Variants in DCT observed in about 807,000 individuals in gnomAD.
DCT encodes the protein dopachrome tautomerase, also known as L-dopachrome tautomerase.
DCT carries 47 observed loss-of-function variants against 53.0 expected under a neutral mutation model. The observed-to-expected ratio is 0.89, with a 90% CI of 0.70 to 1.13. DCT has a LOEUF of 1.13. Among genes scored for constraint, DCT ranks in the 50% most tolerant of loss-of-function variants. The pLI is 0.00. For missense variants in DCT, 669 were observed against 637.4 expected (o/e 1.05, Z -0.53); for synonymous variants, 244 against 237.0 (o/e 1.03, Z -0.27).
chr13:94,462,227 G>C (rs906054284), intron 4 of DCT, 38 bp from the exon 5 acceptor site: 2 of 1,521,312 alleles, frequency 1.3e-6, no homozygotes, highest in African/African-American at 2.7e-5. Flanking sequence ...ATATATGTTG[G>C]CTGGGCACAG....
Position 94,443,559 on chromosome 13 carries a change from C to G in DCT, c.1258G>C (p.Glu420Gln). Reference sequence around the variant, plus strand: ...CGATTGTGACCAATAGGGGCCAGCTCCTGAGGCCAGGCATCTGCAGGAGGA... The same window carrying G: ...CGATTGTGACCAATAGGGGCCAGCTGCTGAGGCCAGGCATCTGCAGGAGGA... ...FNPPADAWPQELAPIGHNRMY... is the reference protein window; with the variant it reads ...FNPPADAWPQQLAPIGHNRMY... Residue 420 changes from glutamate (E) to glutamine (Q), a missense_variant, in exon 7 of 8, where the codon GAG (glutamate) becomes CAG (glutamine). Coordinates refer to ENST00000377028, the MANE Select transcript of DCT (RefSeq NM_001922.5). 6.2e-7 allele frequency: 1 copy of G among 1,614,026 alleles called. No individual in the cohort carries two copies. Among genetic ancestry groups the G allele is most frequent in the South Asian group, 1.1e-5 (1 of 91,076 alleles).
chr13:94,452,337 C>G (rs756177425), intron 6 of DCT, among the ~76,000 whole-genome samples: 12 of 152,150 alleles, frequency 7.9e-5, no homozygotes, highest in Non-Finnish European at 1.8e-4. Flanking sequence ...CTGGCCTAGA[C>G]TTCACTTATA....
chr13:94,489,331 A>G, the DCT span, among the ~76,000 whole-genome samples: 1 of 152,180 alleles, frequency 6.6e-6, no homozygotes, highest in African/African-American at 2.4e-5. Flanking sequence ...TACTTTGTGA[A>G]TAAGGACAAA....
At chr13:94,521,592 C>A in the DCT span, among the ~76,000 whole-genome samples, 1 of 152,174 alleles carries the variant, frequency 6.6e-6, no homozygotes, top group Admixed American at 6.5e-5. Flanking sequence ...ATCACTTGAA[C>A]CTGGAAGGTG....
chr13:94,475,462 A>G (rs1459797311), intron 1 of DCT, among the ~76,000 whole-genome samples: 2 of 152,228 alleles, frequency 1.3e-5, no homozygotes, highest in Non-Finnish European at 2.9e-5. Flanking sequence ...TTATTCTTAT[A>G]TGAGGCATCT....
intron 6 of DCT, among the ~76,000 whole-genome samples, chr13:94,450,697 G>C (rs1161138241): frequency 6.6e-6 from 1 of 152,130 alleles, no homozygotes; most frequent in African/African-American, 2.4e-5. Flanking sequence ...ACTCTGCTAG[G>C]TCAACTTTAA....
At chr13:94,535,150 G>C in the DCT span, among the ~76,000 whole-genome samples, 1 of 152,188 alleles carries the variant, frequency 6.6e-6, no homozygotes, top group South Asian at 2.1e-4. Context: ...TGAGAAATTT[G>C]TTTTTAGCTT....
At chr13:94,491,983 A>T in the DCT span, among the ~76,000 whole-genome samples, 1 of 152,334 alleles carries the variant, frequency 6.6e-6, no homozygotes, top group African/African-American at 2.4e-5. Flanking sequence ...TAACTCATTC[A>T]TGACCATGGA....
chr13:94,547,984 A>AAAAAAAAAATATATATATAT, the DCT span, among the ~76,000 whole-genome samples: 2 of 65,820 alleles, frequency 3.0e-5, no homozygotes, highest in African/African-American at 2.6e-4. Context: ...AAAAAAAAAA[A>AAAAAAAAAATATATATATAT]ATATATATAT....
In DCT at chr13:94,479,257, G is replaced by C. The variant is rs774249129; in HGVS notation, c.-2C>G. 1.3e-6 allele frequency: 2 copies of C among 1,568,418 alleles called. No homozygotes were observed. Among genetic ancestry groups the C allele is most frequent in the Admixed American group, 3.6e-5 (2 of 55,896 alleles). On this transcript the variant is annotated 5_prime_UTR_variant, in exon 1 of 8. Coordinates refer to ENST00000377028, the MANE Select transcript of DCT (RefSeq NM_001922.5). The stretch of plus-strand genomic sequence containing the variant: ...AAACCCCCACCAAAGGGGGCTCATG[G>C]CTTTATAATTGGGAGAGCTCTCTCT...
intron 1 of DCT, among the ~76,000 whole-genome samples, chr13:94,469,281 T>G (rs149191903): frequency 7.2e-5 from 11 of 152,312 alleles, no homozygotes; most frequent in African/African-American, 2.6e-4. Context: ...TGAAATACAC[T>G]GTATACTGCA....
the DCT span, among the ~76,000 whole-genome samples, chr13:94,536,725 C>T: frequency 2.0e-5 from 3 of 152,036 alleles, no homozygotes; most frequent in Admixed American, 2.0e-4. Flanking sequence ...GGTAGATCAC[C>T]TGAGGCCAGG....
the DCT span, among the ~76,000 whole-genome samples, chr13:94,500,377 G>T: frequency 2.6e-5 from 4 of 152,286 alleles, no homozygotes; most frequent in South Asian, 8.3e-4. Flanking sequence ...ATCAAATCTC[G>T]TGAGACTTAT....
the DCT span, among the ~76,000 whole-genome samples, chr13:94,495,700 C>T: frequency 1.3e-5 from 2 of 152,204 alleles, no homozygotes; most frequent in South Asian, 4.1e-4. Context: ...TTTTTACCCT[C>T]TCTCCAACTG....
chr13:94,480,299 T>C (rs1196447215), upstream of DCT, among the ~76,000 whole-genome samples: 1 of 152,170 alleles, frequency 6.6e-6, no homozygotes, highest in Non-Finnish European at 1.5e-5. Context: ...CAAATCTTTT[T>C]GATTAGACTA....
chr13:94,461,412 T>C (rs1203618603), intron 5 of DCT, among the ~76,000 whole-genome samples: 1 of 152,194 alleles, frequency 6.6e-6, no homozygotes, highest in Non-Finnish European at 1.5e-5. Flanking sequence ...TCTTGCTCTG[T>C]TGCCCAGGTG....
At chr13:94,491,994 GC>G in the DCT span, among the ~76,000 whole-genome samples, 1 of 152,288 alleles carries the variant, frequency 6.6e-6, no homozygotes, top group Non-Finnish European at 1.5e-5. Flanking sequence ...TGACCATGGA[GC>G]CTCAGCATCC....
At chr13:94,446,722 A>G (rs752297998) in intron 6 of DCT, among the ~76,000 whole-genome samples, 4 of 152,144 alleles carry the variant, frequency 2.6e-5, no homozygotes, top group Non-Finnish European at 5.9e-5. Flanking sequence ...AAGCACTGTG[A>G]GGGAAAATCT....
At chr13:94,472,913 A>G (rs1884841666) in intron 1 of DCT, among the ~76,000 whole-genome samples, 1 of 152,022 alleles carries the variant, frequency 6.6e-6, no homozygotes, top group South Asian at 2.1e-4. Context: ...TATTACTAGT[A>G]TTATTAGAGA....
Sources: gnomAD v4.1 joint callset for allele counts (sites outside exome capture counted in the v4.1 genomes callset) on GRCh38, gnomAD v4.1.1 for gene constraint, MANE v1.5 for transcripts, NCBI Gene and HGNC (gene_info 2026-07-23, HGNC 2026-07-21) for gene names.